The following SCHIP1 variants were observed in gnomAD, a reference collection of about 807,000 sequenced individuals.
SCHIP1 encodes the protein schwannomin-interacting protein 1.
SCHIP1 carries 8 observed loss-of-function variants against 29.7 expected under a neutral mutation model. The observed-to-expected ratio is 0.27, with a 90% confidence interval of 0.16 to 0.49. The LOEUF (loss-of-function observed/expected upper bound fraction) is 0.49. SCHIP1 is among the 20% of genes least tolerant of loss of function. The pLI is 0.99. For missense variants in SCHIP1, 193 were observed against 294.6 expected (o/e 0.66, Z 2.52); for synonymous variants, 76 against 94.9 (o/e 0.80, Z 1.16).
At chr3:159,794,543 C>A in the SCHIP1 span, among the ~76,000 whole-genome samples, 1 of 152,104 alleles carries the variant, frequency 6.6e-6, no homozygotes, top group African/African-American at 2.4e-5. Flanking sequence ...GTGTGTTAGA[C>A]CCCCCTACAT....
the SCHIP1 span, among the ~76,000 whole-genome samples, chr3:159,417,834 T>C: frequency 2.4e-4 from 37 of 152,312 alleles, no homozygotes; most frequent in African/African-American, 8.4e-4. Context: ...CTCTTGAACC[T>C]CTACTGCCAT....
chr3:159,524,759 C>A, the SCHIP1 span, among the ~76,000 whole-genome samples: 1 of 152,310 alleles, frequency 6.6e-6, no homozygotes, highest in East Asian at 1.9e-4. Flanking sequence ...CAGATGTGAG[C>A]AGTGAAGAGA....
the SCHIP1 span, among the ~76,000 whole-genome samples, chr3:159,817,369 C>G: frequency 7.9e-5 from 12 of 152,272 alleles, no homozygotes; most frequent in African/African-American, 2.9e-4. Context: ...CAGCACTGAG[C>G]AGATTCTAAT....
At chr3:159,449,825 G>A in the SCHIP1 span, among the ~76,000 whole-genome samples, 1 of 151,944 alleles carries the variant, frequency 6.6e-6, no homozygotes, top group African/African-American at 2.4e-5. Flanking sequence ...AAAATAAATT[G>A]TTGTCTGTGG....
the SCHIP1 span, among the ~76,000 whole-genome samples, chr3:159,567,085 T>G: frequency 6.6e-6 from 1 of 152,220 alleles, no homozygotes; most frequent in Non-Finnish European, 1.5e-5. Context: ...TTGCAGTATT[T>G]GGGATATTTC....
chr3:159,574,798 C>T, the SCHIP1 span, among the ~76,000 whole-genome samples: 2 of 152,342 alleles, frequency 1.3e-5, no homozygotes, highest in East Asian at 3.9e-4. Flanking sequence ...CTATGTTTAC[C>T]TACTAAAGCC....
intron 1 of SCHIP1, among the ~76,000 whole-genome samples, chr3:159,863,675 G>A (rs1205782198): frequency 6.6e-6 from 1 of 152,226 alleles, no homozygotes; most frequent in East Asian, 1.9e-4. Flanking sequence ...GGGATTATGA[G>A]TGATGTTTAT....
chr3:159,344,772 A>C, the SCHIP1 span, among the ~76,000 whole-genome samples: 2 of 152,228 alleles, frequency 1.3e-5, no homozygotes, highest in African/African-American at 2.4e-5. Context: ...AGAAAGTCTG[A>C]ATGAAGTATG....
At chr3:159,491,337 G>A in the SCHIP1 span, among the ~76,000 whole-genome samples, 1 of 152,242 alleles carries the variant, frequency 6.6e-6, no homozygotes, top group Non-Finnish European at 1.5e-5. Context: ...CAAGGGGTCA[G>A]GGAATTCCCT....
the SCHIP1 span, among the ~76,000 whole-genome samples, chr3:159,425,882 A>AC: frequency 1.3e-5 from 2 of 152,254 alleles, no homozygotes; most frequent in South Asian, 4.1e-4. Flanking sequence ...CTCAGGATTA[A>AC]GAAACTCACT....
the SCHIP1 span, among the ~76,000 whole-genome samples, chr3:159,817,856 G>A: frequency 1.3e-5 from 2 of 152,170 alleles, no homozygotes; most frequent in Non-Finnish European, 2.9e-5. Context: ...GAATAAAGTA[G>A]GTTTCCCAGA....
the SCHIP1 span, among the ~76,000 whole-genome samples, chr3:159,508,017 G>C: frequency 6.6e-6 from 1 of 152,132 alleles, no homozygotes; most frequent in African/African-American, 2.4e-5. Flanking sequence ...TTTTTCTATT[G>C]ATTGGAATAA....
chr3:159,838,751 G>A (rs1053039483), upstream of SCHIP1, among the ~76,000 whole-genome samples: 3 of 151,764 alleles, frequency 2.0e-5, no homozygotes, highest in Non-Finnish European at 2.9e-5. Flanking sequence ...AAAATTAGCC[G>A]GGCATGGTGG....
At chr3:159,285,873 C>T in the SCHIP1 span, among the ~76,000 whole-genome samples, 1 of 152,100 alleles carries the variant, frequency 6.6e-6, no homozygotes, top group Non-Finnish European at 1.5e-5. Flanking sequence ...AGAGGCATTT[C>T]CTATTCTCTT....
At chr3:159,521,375 A>G in the SCHIP1 span, among the ~76,000 whole-genome samples, 4 of 152,250 alleles carry the variant, frequency 2.6e-5, no homozygotes, top group Admixed American at 6.5e-5. Flanking sequence ...TTCCATGCAA[A>G]TAACAGGTAT....
At chr3:159,513,758 C>G in the SCHIP1 span, among the ~76,000 whole-genome samples, 532 of 152,294 alleles carry the variant, frequency 3.5e-3, 4 homozygotes, top group African/African-American at 0.012. Context: ...TGCTGAGGGT[C>G]AGTGGGATGA....
At chr3:159,867,177 G>A (rs1714715682) in intron 2 of SCHIP1, among the ~76,000 whole-genome samples, 1 of 152,090 alleles carries the variant, frequency 6.6e-6, no homozygotes, top group Non-Finnish European at 1.5e-5. Flanking sequence ...GCATTCTCAT[G>A]GTCTCCCCTC....
the SCHIP1 span, among the ~76,000 whole-genome samples, chr3:159,700,017 C>G: frequency 6.6e-6 from 1 of 152,192 alleles, no homozygotes; most frequent in South Asian, 2.1e-4. Context: ...GCCAGGCCAT[C>G]TCATTTCACA....
the SCHIP1 span, among the ~76,000 whole-genome samples, chr3:159,593,656 C>G: frequency 1.2e-4 from 18 of 152,168 alleles, no homozygotes; most frequent in African/African-American, 4.1e-4. Context: ...CTCTCCTGGA[C>G]AGAAGGAACC....
Sources: gnomAD v4.1 joint callset for allele counts (sites outside exome capture counted in the v4.1 genomes callset) on GRCh38, gnomAD v4.1.1 for gene constraint, MANE v1.5 for transcripts, NCBI Gene and HGNC (gene_info 2026-07-23, HGNC 2026-07-21) for gene names.